Variants in UCHL5 observed in about 807,000 individuals in gnomAD.
UCHL5 encodes ubiquitin C-terminal hydrolase L5.
A neutral mutation model predicts 53.8 loss-of-function variants in UCHL5; 34 were observed. The ratio of observed to expected loss-of-function variants is 0.63; its 90% CI spans 0.48 to 0.84. The LOEUF is 0.84. Among genes scored for constraint, UCHL5 ranks in the 40% least tolerant of loss-of-function variants. The probability of loss-of-function intolerance (pLI) is 0.00; values close to 1 mark genes in which losing one functional copy is unlikely to be tolerated. For missense variants in UCHL5, 290 were observed against 385.6 expected, an observed-to-expected ratio of 0.75 and a Z score of 2.08; for synonymous variants, 111 against 126.3, an observed-to-expected ratio of 0.88 and a Z score of 0.81.
intron 3 of UCHL5, among the ~76,000 whole-genome samples, chr1:193,031,983 T>A (rs917176248): frequency 6.6e-6 from 1 of 152,056 alleles, no homozygotes; most frequent in African/African-American, 2.4e-5. Flanking sequence ...GAGCAGAGGG[T>A]CTCAAGTAGG....
chr1:193,048,847 G>C (rs1054261572), intron 3 of UCHL5, among the ~76,000 whole-genome samples: 4 of 152,132 alleles, frequency 2.6e-5, no homozygotes, highest in African/African-American at 4.8e-5. Flanking sequence ...ATGTTAACAT[G>C]TAACAAGTTT....
chr1:193,018,957 CT>C (rs978659442), intron 10 of UCHL5: 6 of 595,680 alleles, frequency 1.0e-5, no homozygotes, highest in Non-Finnish European at 1.5e-5. Flanking sequence ...AAAATCTAAT[CT>C]TTATTCTAAC....
chr1:193,021,131 G>T lies in UCHL5; in HGVS notation c.908C>A (p.Ala303Glu). 1 of 1,609,880 alleles carries T rather than the reference G, an allele frequency of 6.2e-7. No homozygotes were observed. Among genetic ancestry groups the T allele is most frequent in the Non-Finnish European group, 8.5e-7 (1 of 1,177,484 alleles). The change falls in exon 10 of 11, where the codon GCA becomes GAA. Residue 303 changes from alanine to glutamate, a missense_variant. Ala to Glu is a moderately radical substitution (Grantham distance 107). Coordinates refer to ENST00000367454, the MANE Select transcript of UCHL5 (RefSeq NM_001199261.3). Reference protein sequence around the residue: ...PFIMELLKTLAEHQQLIPLVE... With the variant: ...PFIMELLKTLEEHQQLIPLVE... ...TAGTGGTATTAACTGCTGGTGTTCT[G>T]CTAAAGTCTTTAACAATTCCATAAT...
intron 3 of UCHL5, among the ~76,000 whole-genome samples, chr1:193,038,471 ACC>A: frequency 6.6e-6 from 1 of 151,712 alleles, no homozygotes; most frequent in African/African-American, 2.4e-5. Context: ...AAAAAAAAAA[ACC>A]ACAGTCTTTC....
At chr1:193,036,065 G>A (rs1663270412) in intron 3 of UCHL5, among the ~76,000 whole-genome samples, 2 of 151,782 alleles carry the variant, frequency 1.3e-5, no homozygotes, top group African/African-American at 4.8e-5. Flanking sequence ...AAGGAAGACT[G>A]TAAGAATGGA....
intron 1 of UCHL5, among the ~76,000 whole-genome samples, chr1:193,055,971 A>G (rs1670511768): frequency 6.6e-6 from 1 of 152,140 alleles, no homozygotes; most frequent in Non-Finnish European, 1.5e-5. Context: ...ATTATTTATA[A>G]TATTAAATAT....
rs542974851 is a variant in UCHL5, at chr1:193,034,478, C to T, written c.247-4821G>A. On this transcript the variant is annotated intron_variant, in intron 3 of 10. Coordinates refer to ENST00000367454, the MANE Select transcript of UCHL5 (RefSeq NM_001199261.3). The stretch of plus-strand genomic sequence containing the variant: ...TTAAAATATTCTCGCAAAGAAAATA[C>T]CAGGCCTACATGGATATACAGGTCA... Among the ~76,000 whole-genome samples, 6 of 152,012 alleles carry T rather than the reference C, an allele frequency of 3.9e-5. No homozygotes were observed. In the South Asian group the frequency reaches 1.2e-3, roughly 32 times the overall value.
At chr1:193,058,542 A>T (rs1169701521) in intron 1 of UCHL5, among the ~76,000 whole-genome samples, 1 of 152,286 alleles carries the variant, frequency 6.6e-6, no homozygotes, top group Non-Finnish European at 1.5e-5. Context: ...TGAGGAAAGC[A>T]TGTGGCCTCT....
intron 3 of UCHL5, among the ~76,000 whole-genome samples, chr1:193,046,752 A>G (rs1426026056): frequency 6.7e-6 from 1 of 149,392 alleles, no homozygotes. Flanking sequence ...TAAATATATA[A>G]AAGTACTTAG....
intron 6 of UCHL5, 101 bp downstream of exon 6, chr1:193,029,078 T>G (rs1660404280): frequency 7.1e-7 from 1 of 1,398,626 alleles, no homozygotes; most frequent in Admixed American, 2.3e-5. Context: ...TACCTCATAG[T>G]CACTTTTACC....
chr1:193,024,770 A>G (rs1260546996), intron 7 of UCHL5, among the ~76,000 whole-genome samples: 1 of 152,028 alleles, frequency 6.6e-6, no homozygotes, highest in Non-Finnish European at 1.5e-5. Context: ...ATGAAAATAT[A>G]TAGAAAATAT....
At chr1:193,018,119 T>G (rs1251730285) in intron 10 of UCHL5, among the ~76,000 whole-genome samples, 1 of 151,556 alleles carries the variant, frequency 6.6e-6, no homozygotes, top group African/African-American at 2.4e-5. Flanking sequence ...ATTGTTGTGA[T>G]TAGCCTTAAC....
intron 10 of UCHL5, among the ~76,000 whole-genome samples, chr1:193,017,946 G>A (rs1232156856): frequency 2.6e-5 from 4 of 151,026 alleles, no homozygotes; most frequent in African/African-American, 9.7e-5. Flanking sequence ...TTCAAAGCCT[G>A]TATTTTGGTC....
At position 193,040,031 on chromosome 1, in the gene UCHL5, A is replaced by C. The variant is rs566024856; in HGVS notation, c.246+9715T>G. ...TAAAGACTTAAATATAAGACTTGAA[A>C]TTATGAAGCTACTATAAGAAAACAT... is the stretch of plus-strand genomic sequence containing the variant. On this transcript the variant is annotated intron_variant, in intron 3 of 10. Coordinates refer to ENST00000367454, the MANE Select transcript of UCHL5 (RefSeq NM_001199261.3). Among the ~76,000 whole-genome samples the C allele has an allele frequency of 7.9e-5, 12 of 152,346 alleles. No individual in the cohort carries two copies. The South Asian group carries it at 2.5e-3, about 32-fold the overall frequency.
chr1:193,020,835 A>C (rs1275451898), intron 10 of UCHL5, among the ~76,000 whole-genome samples: 1 of 151,942 alleles, frequency 6.6e-6, no homozygotes, highest in Non-Finnish European at 1.5e-5. Context: ...AAGTGTTTTA[A>C]ATTTTATTTT....
At chr1:193,023,788 T>C in intron 8 of UCHL5, 56 bp downstream of exon 8, 1 of 1,313,570 alleles carries the variant, frequency 7.6e-7, no homozygotes, top group South Asian at 1.3e-5. Flanking sequence ...AAGTAAATAC[T>C]TTTCCTGAGA....
chr1:193,018,798 C>A, intron 10 of UCHL5: 1 of 1,558,918 alleles, frequency 6.4e-7, no homozygotes, highest in South Asian at 1.2e-5. Flanking sequence ...CTTCTCACAC[C>A]TTGTTCTTTT....
Position 193,013,188 on chromosome 1 carries a change from TTAATA to T in UCHL5, c.*3158_*3162del, listed in dbSNP as rs1032030047. ...ACAACTACTGCAACATGTTCTAACA[TTAATA>T]GTTCCAACAGTGAACTCCCTGACTG... On this transcript the variant is annotated 3_prime_UTR_variant, in exon 11 of 11. Transcript: ENST00000367454. 6.6e-6 allele frequency: 1 copy of T among 152,192 alleles called. No homozygotes were observed. The highest frequency in any genetic ancestry group is 1.5e-5 in the Non-Finnish European group (1 of 68,036). The allele number at this position is 152,192 out of a possible 1,614,324, so 9.4% of individuals were successfully genotyped here.
At chr1:193,042,185 A>G (rs1240898587) in intron 3 of UCHL5, among the ~76,000 whole-genome samples, 1 of 152,172 alleles carries the variant, frequency 6.6e-6, no homozygotes, top group Non-Finnish European at 1.5e-5. Context: ...TTATTTACAA[A>G]CACCTTTTTC....
Sources: allele counts gnomAD v4.1 joint callset (sites outside exome capture counted in the v4.1 genomes callset), GRCh38; gene constraint gnomAD v4.1.1; transcripts MANE v1.5; gene names NCBI Gene and HGNC (gene_info 2026-07-23, HGNC 2026-07-21).